Variants in SMYD3 observed in about 807,000 individuals in gnomAD.
SMYD3 encodes the protein SET and MYND domain containing 3.
Under a neutral mutation model 57.7 loss-of-function variants are expected in SMYD3, and 36 were observed. That is an observed-to-expected ratio of 0.62 (90% CI 0.48 to 0.82). The LOEUF (loss-of-function observed/expected upper bound fraction) is 0.82. Ranked by LOEUF, SMYD3 falls within the 40% of genes least tolerant of loss-of-function variation. SMYD3 has a pLI of 0.00. For synonymous variants in SMYD3, 211 were observed against 195.0 expected (o/e 1.08, Z -0.68); for missense variants, 515 against 538.8 (o/e 0.96, Z 0.44).
intron 10 of SMYD3, among the ~76,000 whole-genome samples, chr1:245,840,746 T>G (rs2050358266): frequency 6.8e-6 from 1 of 147,242 alleles, no homozygotes; most frequent in African/African-American, 2.5e-5. Flanking sequence ...AAAACAGACA[T>G]GGTTAAAAAA....
intron 7 of SMYD3, among the ~76,000 whole-genome samples, chr1:245,920,059 A>C (rs568900835): frequency 2.0e-5 from 3 of 151,770 alleles, no homozygotes; most frequent in Non-Finnish European, 4.4e-5. Flanking sequence ...CACGCCTGTA[A>C]TCCCAGCACT....
chr1:245,792,776 G>A (rs1194374899), intron 10 of SMYD3, among the ~76,000 whole-genome samples: 6 of 152,096 alleles, frequency 3.9e-5, no homozygotes. Context: ...GCAGGGTTTG[G>A]GTGGACGAAG....
At chr1:246,199,074 G>T (rs2062868718) in intron 5 of SMYD3, among the ~76,000 whole-genome samples, 2 of 152,188 alleles carry the variant, frequency 1.3e-5, no homozygotes, top group South Asian at 4.2e-4. Context: ...ATCACCCAGG[G>T]GGTGAGCCTA....
chr1:245,850,206 G>A (rs1471868406), intron 10 of SMYD3, among the ~76,000 whole-genome samples: 2 of 152,124 alleles, frequency 1.3e-5, no homozygotes, highest in African/African-American at 4.8e-5. Flanking sequence ...GGCTTTCTTG[G>A]CTCCACCCCA....
At chr1:246,413,951 A>C (rs533383894) in intron 1 of SMYD3, among the ~76,000 whole-genome samples, 3 of 152,240 alleles carry the variant, frequency 2.0e-5, no homozygotes, top group Non-Finnish European at 4.4e-5. Context: ...AAAACCATTA[A>C]CCTTACGAAT....
At chr1:246,292,853 G>GA (rs2064722027) in intron 5 of SMYD3, among the ~76,000 whole-genome samples, 1 of 151,994 alleles carries the variant, frequency 6.6e-6, no homozygotes, top group East Asian at 1.9e-4. Context: ...GGCAGACACT[G>GA]AAAAAACATA....
At chr1:246,447,957 ATG>A (rs1436881549) in intron 1 of SMYD3, among the ~76,000 whole-genome samples, 25 of 152,210 alleles carry the variant, frequency 1.6e-4, no homozygotes, top group African/African-American at 5.3e-4. Flanking sequence ...CTCTCTACAT[ATG>A]TGTATCTGTA....
chr1:245,791,889 T>C (rs2047286298), intron 10 of SMYD3, among the ~76,000 whole-genome samples: 2 of 152,036 alleles, frequency 1.3e-5, no homozygotes, highest in South Asian at 4.2e-4. Flanking sequence ...TTCTGGTAGT[T>C]CTCACTGTCA....
chr1:246,286,295 C>T (rs12047040), intron 5 of SMYD3, among the ~76,000 whole-genome samples: 18,735 of 152,164 alleles, frequency 0.12, 1,495 homozygotes, highest in East Asian at 0.19. Flanking sequence ...TTCCAGGATA[C>T]ATGCGCAGGA....
intron 5 of SMYD3, among the ~76,000 whole-genome samples, chr1:246,114,497 C>T (rs1254965265): frequency 6.6e-6 from 1 of 152,206 alleles, no homozygotes; most frequent in African/African-American, 2.4e-5. Context: ...GCATATACCC[C>T]AGCAGCACAA....
At chr1:246,290,895 T>G (rs2064676779) in intron 5 of SMYD3, among the ~76,000 whole-genome samples, 1 of 152,174 alleles carries the variant, frequency 6.6e-6, no homozygotes, top group Non-Finnish European at 1.5e-5. Flanking sequence ...AGAAATATAA[T>G]AATTTATAAG....
chr1:246,194,307 A>G (rs1336107413), intron 5 of SMYD3, among the ~76,000 whole-genome samples: 4 of 149,814 alleles, frequency 2.7e-5, no homozygotes, highest in African/African-American at 7.4e-5. Context: ...TCGCCCAGTC[A>G]CCCAGGCTGG....
chr1:246,315,132 G>C (rs920974083), intron 5 of SMYD3, among the ~76,000 whole-genome samples: 2 of 152,130 alleles, frequency 1.3e-5, no homozygotes, highest in African/African-American at 4.8e-5. Context: ...AAATGGGAAG[G>C]CTATGGTATC....
chr1:246,123,571 AACACACACACACACACACACACACAC>A (rs557543331), intron 5 of SMYD3, among the ~76,000 whole-genome samples: 3 of 129,486 alleles, frequency 2.3e-5, no homozygotes, highest in African/African-American at 5.8e-5. Flanking sequence ...TCCATCTCAA[AACACACACACACACACACACACACAC>A]ACACACACAC....
intron 10 of SMYD3, among the ~76,000 whole-genome samples, chr1:245,792,940 A>C (rs1459726369): frequency 6.6e-6 from 1 of 152,146 alleles, no homozygotes; most frequent in Non-Finnish European, 1.5e-5. Flanking sequence ...CACTGTGCTG[A>C]AAGTAAGAAT....
chr1:245,870,401 G>C (rs1025514789), intron 8 of SMYD3, among the ~76,000 whole-genome samples: 1 of 152,154 alleles, frequency 6.6e-6, no homozygotes, highest in African/African-American at 2.4e-5. Flanking sequence ...TGACAATCGC[G>C]TCAAGGGTTA....
chr1:246,166,917 C>T (rs2062223533), intron 5 of SMYD3, among the ~76,000 whole-genome samples: 1 of 152,162 alleles, frequency 6.6e-6, no homozygotes, highest in Admixed American at 6.5e-5. Flanking sequence ...AAACTCGATA[C>T]CCACTGAAGG....
intron 10 of SMYD3, among the ~76,000 whole-genome samples, chr1:245,805,759 A>G (rs941531382): frequency 1.3e-5 from 2 of 152,176 alleles, no homozygotes; most frequent in African/African-American, 4.8e-5. Flanking sequence ...CCCCATTCAG[A>G]CTGATGATGC....
At chr1:245,948,952 C>T (rs1379103186) in intron 5 of SMYD3, among the ~76,000 whole-genome samples, 1 of 152,224 alleles carries the variant, frequency 6.6e-6, no homozygotes, top group Middle Eastern at 3.2e-3. Context: ...CTGTGGGCAG[C>T]TGAGCAGTTC....
Sources: gnomAD v4.1 joint callset for allele counts (sites outside exome capture counted in the v4.1 genomes callset) on GRCh38, gnomAD v4.1.1 for gene constraint, MANE v1.5 for transcripts, NCBI Gene and HGNC (gene_info 2026-07-23, HGNC 2026-07-21) for gene names.